The following PTPRD variants were observed in gnomAD, a reference collection of about 807,000 sequenced individuals.
PTPRD encodes receptor-type tyrosine-protein phosphatase delta.
Under a neutral mutation model 214.5 loss-of-function variants are expected in PTPRD, and 34 were observed. The observed-to-expected ratio is 0.16, with a 90% CI of 0.12 to 0.21. The LOEUF (loss-of-function observed/expected upper bound fraction) is 0.21, where lower values mean the gene tolerates loss of function less well. PTPRD is among the 10% of genes least tolerant of loss of function. PTPRD has a pLI of 1.00. For synonymous variants in PTPRD, 1,128 were observed against 845.7 expected (o/e 1.33, Z -5.79); for missense variants, 2,545 against 2,398.7 (o/e 1.06, Z -1.27).
intron 11 of PTPRD, among the ~76,000 whole-genome samples, chr9:8,756,173 T>A (rs1006934412): frequency 6.6e-6 from 1 of 152,180 alleles, no homozygotes; most frequent in African/African-American, 2.4e-5. Context: ...CTAGACCAAC[T>A]TCAGCACTGA....
intron 3 of PTPRD, among the ~76,000 whole-genome samples, chr9:10,036,192 A>G (rs938710221): frequency 2.0e-5 from 3 of 152,152 alleles, no homozygotes; most frequent in African/African-American, 7.2e-5. Flanking sequence ...ACAGGTTAGG[A>G]CTGACAGTCT....
chr9:9,711,787 G>A (rs1010728999), intron 7 of PTPRD, among the ~76,000 whole-genome samples: 12 of 152,238 alleles, frequency 7.9e-5, no homozygotes, highest in African/African-American at 1.7e-4. Flanking sequence ...TGCAGAGACC[G>A]AAAAACTCTG....
chr9:8,710,715 C>T (rs746566758), intron 12 of PTPRD, among the ~76,000 whole-genome samples: 1 of 152,086 alleles, frequency 6.6e-6, no homozygotes, highest in Admixed American at 6.6e-5. Flanking sequence ...TCAGAATTAA[C>T]AATTAACGAT....
intron 2 of PTPRD, among the ~76,000 whole-genome samples, chr9:10,453,515 A>G (rs926736856): frequency 6.6e-6 from 1 of 151,550 alleles, no homozygotes; most frequent in Non-Finnish European, 1.5e-5. Flanking sequence ...AGTGTCCTTC[A>G]TCTCCTTGGT....
chr9:10,115,233 A>C (rs1158764412), intron 3 of PTPRD, among the ~76,000 whole-genome samples: 1 of 152,060 alleles, frequency 6.6e-6, no homozygotes, highest in African/African-American at 2.4e-5. Flanking sequence ...TGAAAATTAC[A>C]ATCAAGTGAA....
intron 3 of PTPRD, among the ~76,000 whole-genome samples, chr9:10,077,123 C>T (rs551563415): frequency 1.3e-5 from 2 of 152,228 alleles, no homozygotes; most frequent in South Asian, 4.1e-4. Flanking sequence ...TTTCCCACTC[C>T]TTATACATAG....
rs2130216466 is a variant in PTPRD, at chr9:8,316,072, A to G, written c.*1802T>C. On this transcript the variant is annotated 3_prime_UTR_variant, in exon 46 of 46. Transcript: ENST00000381196. ...ACTGCATGTTCCAGAGCGGATTTGG[A>G]AGGGAATATAAATAAAACAAGTAGC... 1 of 229,348 alleles carries G rather than the reference A, an allele frequency of 4.4e-6. No individual in the cohort carries two copies. Among genetic ancestry groups the G allele is most frequent in the East Asian group, 6.2e-5 (1 of 16,034 alleles). 14.2% of individuals were successfully genotyped at this position (229,348 alleles called of 1,614,324 possible).
intron 11 of PTPRD, among the ~76,000 whole-genome samples, chr9:8,995,560 C>T (rs987005008): frequency 6.6e-6 from 1 of 152,000 alleles, no homozygotes; most frequent in Non-Finnish European, 1.5e-5. Context: ...GATTTGACAA[C>T]TCTCTCTACA....
intron 11 of PTPRD, among the ~76,000 whole-genome samples, chr9:9,006,573 A>G (rs927289706): frequency 6.6e-6 from 1 of 152,050 alleles, no homozygotes; most frequent in Non-Finnish European, 1.5e-5. Flanking sequence ...TGCAATTACC[A>G]TATTTATTCA....
At chr9:8,409,720 T>A (rs181184999) in intron 35 of PTPRD, among the ~76,000 whole-genome samples, 42 of 152,162 alleles carry the variant, frequency 2.8e-4, no homozygotes, top group African/African-American at 9.4e-4. Flanking sequence ...CTTTCCCTCA[T>A]CCCGCCAAGA....
chr9:8,348,335 A>G (rs1265053727), intron 39 of PTPRD, among the ~76,000 whole-genome samples: 3 of 152,152 alleles, frequency 2.0e-5, no homozygotes, highest in Non-Finnish European at 2.9e-5. Flanking sequence ...AATGCTTTAT[A>G]TAAGATATGC....
chr9:8,909,284 G>C (rs1203504580), intron 11 of PTPRD, among the ~76,000 whole-genome samples: 1 of 151,944 alleles, frequency 6.6e-6, no homozygotes, highest in Non-Finnish European at 1.5e-5. Context: ...GCTGATACCA[G>C]AACCAAACAA....
intron 5 of PTPRD, among the ~76,000 whole-genome samples, chr9:9,809,008 A>T (rs1352989822): frequency 2.0e-5 from 3 of 150,658 alleles, no homozygotes; most frequent in African/African-American, 7.3e-5. Context: ...CTAGTCTCAA[A>T]TTTTTAGCCT....
chr9:9,964,462 AAAG>A (rs1352324530), intron 4 of PTPRD, among the ~76,000 whole-genome samples: 2 of 152,190 alleles, frequency 1.3e-5, no homozygotes, highest in Non-Finnish European at 2.9e-5. Flanking sequence ...AGTAAAATCT[AAAG>A]AAGCTTAGCA....
chr9:9,763,597 C>T (rs1250836103), intron 6 of PTPRD, among the ~76,000 whole-genome samples: 1 of 152,058 alleles, frequency 6.6e-6, no homozygotes, highest in African/African-American at 2.4e-5. Flanking sequence ...ATAAACACAT[C>T]ATTCATAAAT....
chr9:10,190,438 C>T (rs888308121), intron 3 of PTPRD, among the ~76,000 whole-genome samples: 5 of 134,976 alleles, frequency 3.7e-5, no homozygotes, highest in Admixed American at 3.2e-4. Flanking sequence ...TCAAAGTGGG[C>T]CAGGCGCTGT....
chr9:9,962,447 A>G (rs1301576038), intron 4 of PTPRD, among the ~76,000 whole-genome samples: 1 of 152,094 alleles, frequency 6.6e-6, no homozygotes, highest in Non-Finnish European at 1.5e-5. Flanking sequence ...TCTGTTGAAC[A>G]TATTGAACCT....
intron 11 of PTPRD, among the ~76,000 whole-genome samples, chr9:8,812,864 T>C (rs551271570): frequency 3.8e-4 from 58 of 152,044 alleles, no homozygotes; most frequent in African/African-American, 1.3e-3. Flanking sequence ...TTGAGTAATA[T>C]GTAACATAGC....
chr9:10,186,661 C>T (rs1056326485), intron 3 of PTPRD, among the ~76,000 whole-genome samples: 1 of 151,966 alleles, frequency 6.6e-6, no homozygotes, highest in African/African-American at 2.4e-5. Context: ...TATAAAAATG[C>T]AGTATCGGGA....
Sources: gnomAD v4.1 joint callset for allele counts (sites outside exome capture counted in the v4.1 genomes callset) on GRCh38, gnomAD v4.1.1 for gene constraint, MANE v1.5 for transcripts, NCBI Gene and HGNC (gene_info 2026-07-23, HGNC 2026-07-21) for gene names.